RYR2: variants seen among roughly 807,000 people sequenced by gnomAD.
RYR2 encodes the protein cardiac muscle ryanodine receptor-calcium release channel.
A neutral mutation model predicts 601.1 loss-of-function variants in RYR2; 227 were observed. That is an observed-to-expected ratio of 0.38 (90% CI 0.34 to 0.42). The LOEUF (loss-of-function observed/expected upper bound fraction) is 0.42. Ranked by LOEUF, RYR2 falls within the 10% of genes least tolerant of loss-of-function variation. The pLI is 1.00. For synonymous variants in RYR2, 2,223 were observed against 2,175.1 expected (o/e 1.02, Z -0.61); for missense variants, 4,646 against 6,156.5 (o/e 0.75, Z 8.21).
intron 62 of RYR2, among the ~76,000 whole-genome samples, chr1:237,683,798 T>C (rs942807748): frequency 3.9e-5 from 6 of 152,132 alleles, no homozygotes; most frequent in African/African-American, 2.4e-5. Context: ...GTATGATTGA[T>C]GAGAGTGGGA....
intron 27 of RYR2, among the ~76,000 whole-genome samples, chr1:237,564,533 G>C (rs1416985312): frequency 6.6e-6 from 1 of 152,146 alleles, no homozygotes; most frequent in Non-Finnish European, 1.5e-5. Flanking sequence ...GCCTCCCACA[G>C]TGTTGGGATA....
At position 237,491,941 on chromosome 1, in the gene RYR2, A is replaced by G; in HGVS notation, c.1827+17A>G. ...AATCACAAGGTAAATGAACTATTTTATTTCCCTGAATGAATTCTCAAATCC... is the reference window on the plus strand; with the variant it reads ...AATCACAAGGTAAATGAACTATTTTGTTTCCCTGAATGAATTCTCAAATCC... On this transcript the variant is annotated intron_variant, in intron 18 of 104. Transcript: ENST00000366574. 1 of 979,392 alleles carries G rather than the reference A, an allele frequency of 1.0e-6. No individual in the cohort carries two copies. The highest frequency in any genetic ancestry group is 1.6e-6 in the Non-Finnish European group (1 of 642,162). The allele number at this position is 979,392 out of a possible 1,614,324, so 60.7% of individuals were successfully genotyped here.
chr1:237,289,058 GCAAA>G (rs1410325537), intron 2 of RYR2, among the ~76,000 whole-genome samples: 1 of 152,132 alleles, frequency 6.6e-6, no homozygotes, highest in Non-Finnish European at 1.5e-5. Flanking sequence ...AACTTTTCAC[GCAAA>G]CAGACCTTCG....
intron 82 of RYR2, 62 bp downstream of exon 82, chr1:237,757,838 A>G: frequency 9.6e-7 from 1 of 1,037,200 alleles, no homozygotes; most frequent in Non-Finnish European, 1.5e-6. Context: ...ATAGTAAAGA[A>G]CTATTTGTTG....
chr1:237,584,786 A>G (rs117948798), intron 29 of RYR2, among the ~76,000 whole-genome samples: 3,338 of 150,844 alleles, frequency 0.022, 59 homozygotes, highest in Middle Eastern at 0.066. Context: ...TCGGCTTCCC[A>G]AGTAGTTGGG....
chr1:237,258,781 A>C (rs974453675), intron 1 of RYR2, among the ~76,000 whole-genome samples: 5 of 152,186 alleles, frequency 3.3e-5, no homozygotes, highest in South Asian at 2.1e-4. Flanking sequence ...CAGAATGCTA[A>C]GGCGTTAATT....
At chr1:237,167,161 T>C (rs1365763504) in intron 1 of RYR2, among the ~76,000 whole-genome samples, 1 of 152,230 alleles carries the variant, frequency 6.6e-6, no homozygotes, top group Admixed American at 6.5e-5. Context: ...GTGATGTTCT[T>C]GGTGAATCCC....
At chr1:237,061,530 T>C (rs1402557825) in intron 1 of RYR2, among the ~76,000 whole-genome samples, 1 of 152,192 alleles carries the variant, frequency 6.6e-6, no homozygotes, top group Admixed American at 6.5e-5. Context: ...AAGGCTAGTC[T>C]CAATCTCCTG....
intron 29 of RYR2, among the ~76,000 whole-genome samples, chr1:237,582,741 A>G (rs1674063955): frequency 1.5e-5 from 2 of 137,118 alleles, no homozygotes; most frequent in Non-Finnish European, 3.1e-5. Flanking sequence ...TGCAGAGGAC[A>G]TGATTTCATT....
rs10925356 is a variant in RYR2, at chr1:237,275,749, A to G, written c.168+5133A>G. 5.8e-3 allele frequency among the ~76,000 whole-genome samples: 879 copies of G among 152,326 alleles called. 5 individuals are homozygous for G. Among genetic ancestry groups the G allele is most frequent in the African/African-American group, 0.02 (838 of 41,580 alleles). On this transcript the variant is annotated intron_variant, in intron 2 of 104. Coordinates refer to ENST00000366574, the MANE Select transcript of RYR2 (RefSeq NM_001035.3). ...AAAAATAGAATATACCTTTCTTTAA[A>G]GTTCACATACCATATTAAAGAATAT...
At chr1:237,828,795 C>G (rs542609119) in intron 102 of RYR2, among the ~76,000 whole-genome samples, 1 of 152,236 alleles carries the variant, frequency 6.6e-6, no homozygotes, top group Non-Finnish European at 1.5e-5. Flanking sequence ...GGTAGGGTCT[C>G]TAGGGCTGGT....
At chr1:237,822,686 C>T (rs979509268) in intron 101 of RYR2, among the ~76,000 whole-genome samples, 10 of 152,096 alleles carry the variant, frequency 6.6e-5, no homozygotes, top group Admixed American at 2.0e-4. Flanking sequence ...ATAATATTAA[C>T]CTTAAATGTA....
chr1:237,388,282 A>T (rs576193785), intron 10 of RYR2, 99 bp downstream of exon 10: 7 of 922,968 alleles, frequency 7.6e-6, no homozygotes, highest in African/African-American at 1.7e-5. Flanking sequence ...GTAGCATCAT[A>T]CAAGATGGGC....
At chr1:237,101,299 T>TTA (rs774827825) in intron 1 of RYR2, among the ~76,000 whole-genome samples, 7 of 94,144 alleles carry the variant, frequency 7.4e-5, no homozygotes, top group Non-Finnish European at 1.5e-4. Context: ...TTTTAGAAGT[T>TTA]AAAAAAAAAA....
At chr1:237,829,645 C>T (rs775184838) in intron 102 of RYR2, among the ~76,000 whole-genome samples, 18 of 152,192 alleles carry the variant, frequency 1.2e-4, no homozygotes, top group Non-Finnish European at 2.2e-4. Context: ...TGTGACCTAT[C>T]AGCTGTCAGC....
chr1:237,699,428 A>G (rs776364112), intron 64 of RYR2, among the ~76,000 whole-genome samples: 12 of 152,114 alleles, frequency 7.9e-5, no homozygotes, highest in Non-Finnish European at 1.6e-4. Flanking sequence ...AGTGATGTTT[A>G]AGATTGCATA....
At chr1:237,142,799 C>T (rs1673530844) in intron 1 of RYR2, among the ~76,000 whole-genome samples, 1 of 152,158 alleles carries the variant, frequency 6.6e-6, no homozygotes, top group African/African-American at 2.4e-5. Context: ...CCTTGTTTCA[C>T]TGGAAGCTAG....
intron 38 of RYR2, among the ~76,000 whole-genome samples, chr1:237,621,469 G>T (rs1315759397): frequency 6.6e-6 from 1 of 151,912 alleles, no homozygotes; most frequent in Non-Finnish European, 1.5e-5. Flanking sequence ...CCAAAAGCTG[G>T]TTTTTAAAAA....
chr1:237,740,424 G>T (rs116356870), intron 79 of RYR2, among the ~76,000 whole-genome samples: 1,871 of 152,102 alleles, frequency 0.012, 46 homozygotes, highest in African/African-American at 0.043. Flanking sequence ...TTCCTAGGAA[G>T]ATTTTTTTAA....
Sources: gnomAD v4.1 joint callset for allele counts (sites outside exome capture counted in the v4.1 genomes callset) on GRCh38, gnomAD v4.1.1 for gene constraint, MANE v1.5 for transcripts, NCBI Gene and HGNC (gene_info 2026-07-23, HGNC 2026-07-21) for gene names.